PAK1: variants seen among roughly 807,000 people sequenced by gnomAD.
PAK1 encodes p21 (RAC1) activated kinase 1.
A neutral mutation model predicts 67.4 loss-of-function variants in PAK1; 29 were observed. That is an observed-to-expected ratio of 0.43 (90% CI 0.32 to 0.59). PAK1 has a LOEUF of 0.59. Among genes scored for constraint, PAK1 ranks in the 20% least tolerant of loss-of-function variants. PAK1 has a pLI of 0.07. For missense variants in PAK1, 337 were observed against 670.7 expected, an observed-to-expected ratio of 0.50 and a Z score of 5.50; for synonymous variants, 223 against 237.4, an observed-to-expected ratio of 0.94 and a Z score of 0.56.
chr11:77,423,677 T>C (rs1248712765), intron 1 of PAK1, among the ~76,000 whole-genome samples: 1 of 152,134 alleles, frequency 6.6e-6, no homozygotes, highest in Non-Finnish European at 1.5e-5. Flanking sequence ...AAAGTAGGGG[T>C]TGGAAAATTC....
chr11:77,397,408 T>C (rs982130001), intron 1 of PAK1, among the ~76,000 whole-genome samples: 7 of 152,244 alleles, frequency 4.6e-5, no homozygotes, highest in African/African-American at 1.4e-4. Context: ...CTCTGCAATT[T>C]ATAAGCCATC....
At chr11:77,353,702 A>C in intron 7 of PAK1, 103 bp from the exon 8 acceptor site, 1 of 858,092 alleles carries the variant, frequency 1.2e-6, no homozygotes. Flanking sequence ...TTAAAGAACT[A>C]CCTCCAATAG....
intron 1 of PAK1, among the ~76,000 whole-genome samples, chr11:77,412,442 T>C (rs1209880080): frequency 6.6e-6 from 1 of 152,124 alleles, no homozygotes; most frequent in African/African-American, 2.4e-5. Context: ...ATTATTATTA[T>C]TTTGAGACAA....
chr11:77,405,408 G>A (rs1437098092), intron 1 of PAK1, among the ~76,000 whole-genome samples: 1 of 152,146 alleles, frequency 6.6e-6, no homozygotes, highest in Non-Finnish European at 1.5e-5. Flanking sequence ...TGCAGAAGTG[G>A]AGAGACCATT....
At chr11:77,492,733 G>A in the PAK1 span, among the ~76,000 whole-genome samples, 1,369 of 152,114 alleles carry the variant, frequency 9.0e-3, 25 homozygotes, top group African/African-American at 0.031. Context: ...GGCCTGGTGG[G>A]AGGTATTTGG....
chr11:77,423,239 C>A, intron 1 of PAK1, among the ~76,000 whole-genome samples: 1 of 149,650 alleles, frequency 6.7e-6, no homozygotes, highest in Non-Finnish European at 1.5e-5. Flanking sequence ...CAAATTAAGA[C>A]AATACTAGAT....
chr11:77,523,420 C>CT, the PAK1 span, among the ~76,000 whole-genome samples: 20,225 of 140,286 alleles, frequency 0.14, 1,707 homozygotes, highest in African/African-American at 0.21. Context: ...ATGCTTTCTA[C>CT]TTTTTTTTTT....
chr11:77,418,563 T>G (rs1373006534), intron 1 of PAK1, among the ~76,000 whole-genome samples: 4 of 152,234 alleles, frequency 2.6e-5, no homozygotes, highest in Admixed American at 6.5e-5. Flanking sequence ...CTAAGTCTCC[T>G]CCAGTCTGCC....
intron 1 of PAK1, among the ~76,000 whole-genome samples, chr11:77,420,229 G>GA (rs1955186757): frequency 6.6e-6 from 1 of 152,092 alleles, no homozygotes; most frequent in African/African-American, 2.4e-5. Context: ...GCCCAAAGGA[G>GA]AAAAAAGTAT....
chr11:77,383,495 G>A lies in PAK1; in HGVS notation c.191-3501C>T, dbSNP rs1045684337. Among the ~76,000 whole-genome samples the A allele has an allele frequency of 2.0e-5, 3 of 151,906 alleles. No individual in the cohort carries two copies. In the East Asian group the frequency reaches 5.8e-4, roughly 29 times the overall value. The stretch of plus-strand genomic sequence containing the variant: ...CACCCGCCACCATACCCAGTTACTT[G>A]TTGTATTTGCAGTAGAGACAGGGTT... On this transcript the variant is annotated intron_variant, in intron 2 of 14. Coordinates refer to ENST00000356341, the MANE Select transcript of PAK1 (RefSeq NM_002576.5).
chr11:77,410,568 G>A (rs1481675602), intron 1 of PAK1, among the ~76,000 whole-genome samples: 1 of 151,740 alleles, frequency 6.6e-6, no homozygotes, highest in Non-Finnish European at 1.5e-5. Context: ...GAAAAGAGAA[G>A]AAAGCCTAAT....
chr11:77,451,350 AT>A (rs1228598165), intron 1 of PAK1, among the ~76,000 whole-genome samples: 2 of 152,240 alleles, frequency 1.3e-5, no homozygotes, highest in Non-Finnish European at 2.9e-5. Context: ...ACACAGGGAC[AT>A]ACAGAAAAAT....
At chr11:77,505,283 G>C in the PAK1 span, among the ~76,000 whole-genome samples, 5 of 152,052 alleles carry the variant, frequency 3.3e-5, no homozygotes, top group African/African-American at 1.2e-4. Context: ...CACCTCCCGG[G>C]TTCAAGCGAT....
intron 5 of PAK1, among the ~76,000 whole-genome samples, chr11:77,364,514 G>T (rs478134): frequency 0.7 from 106,543 of 152,112 alleles, 38,165 homozygotes; most frequent in African/African-American, 0.85. Context: ...CAGAGACTAT[G>T]TCACAGATTT....
chr11:77,470,710 G>A (rs987831774), intron 1 of PAK1, among the ~76,000 whole-genome samples: 12 of 152,196 alleles, frequency 7.9e-5, no homozygotes, highest in Non-Finnish European at 1.8e-4. Context: ...AAAACCACAG[G>A]AGACCAGGAA....
chr11:77,345,721 G>A (rs1271967315), intron 9 of PAK1, among the ~76,000 whole-genome samples: 1 of 152,212 alleles, frequency 6.6e-6, no homozygotes, highest in African/African-American at 2.4e-5. Flanking sequence ...GGCTGCAGCT[G>A]TCTATAACAG....
chr11:77,390,667 T>TTC (rs1168465263), intron 2 of PAK1, among the ~76,000 whole-genome samples: 2 of 150,544 alleles, frequency 1.3e-5, no homozygotes, highest in East Asian at 3.9e-4. Context: ...CGACTCCTTT[T>TTC]TTTTTTTTTT....
At chr11:77,332,985 T>C in intron 13 of PAK1, 118 bp from the exon 14 acceptor site, 1 of 868,796 alleles carries the variant, frequency 1.2e-6, no homozygotes, top group Non-Finnish European at 1.9e-6. Context: ...AAGTAGCAGC[T>C]GTGTATATAT....
At chr11:77,327,873 C>T (rs1940427209) in intron 14 of PAK1, among the ~76,000 whole-genome samples, 1 of 152,156 alleles carries the variant, frequency 6.6e-6, no homozygotes, top group Non-Finnish European at 1.5e-5. Flanking sequence ...CATCAGTGTG[C>T]TGTATTCAGG....
Sources: gnomAD v4.1 joint callset for allele counts (sites outside exome capture counted in the v4.1 genomes callset) on GRCh38, gnomAD v4.1.1 for gene constraint, MANE v1.5 for transcripts, NCBI Gene and HGNC (gene_info 2026-07-23, HGNC 2026-07-21) for gene names.